The following GLI2 variants were observed in gnomAD, a reference collection of about 807,000 sequenced individuals.
GLI2 encodes transcription activator GLI2.
In GLI2, 22 loss-of-function variants were observed where a neutral mutation model predicts 78.9. The ratio of observed to expected loss-of-function variants is 0.28; its 90% CI spans 0.20 to 0.40. The LOEUF is 0.40. Ranked by LOEUF, GLI2 falls within the 10% of genes least tolerant of loss-of-function variation. GLI2 has a pLI of 1.00. For missense variants in GLI2, 2,097 were observed against 2,213.2 expected (o/e 0.95, Z 1.05); for synonymous variants, 974 against 963.7 (o/e 1.01, Z -0.20).
intron 1 of GLI2, among the ~76,000 whole-genome samples, chr2:120,795,690 C>T (rs1684356080): frequency 6.6e-6 from 1 of 152,166 alleles, no homozygotes; most frequent in Non-Finnish European, 1.5e-5. Flanking sequence ...TGCCCATAAC[C>T]TTTCTGCCCC....
In GLI2 at chr2:120,882,338, G is replaced by A. The variant is rs145949836; in HGVS notation, c.149-45023G>A. Among the ~76,000 whole-genome samples the A allele has an allele frequency of 6.4e-3, 971 of 152,314 alleles. 7 individuals carry two copies. The highest frequency in any genetic ancestry group is 0.01 in the Middle Eastern group (3 of 294). ...GTGAAGGTGGTGAAGGATCACCCGG[G>A]AGATGCTGCTTGGGCTGGAGGGCGC... is the stretch of plus-strand genomic sequence containing the variant. On this transcript the variant is annotated intron_variant, in intron 2 of 13. Transcript: ENST00000361492.
chr2:120,744,083 G>T (rs993926080), intron 1 of GLI2, among the ~76,000 whole-genome samples: 1 of 152,230 alleles, frequency 6.6e-6, no homozygotes, highest in Non-Finnish European at 1.5e-5. Context: ...GGTCTTTTCA[G>T]ACTTTCCTCG....
At position 120,988,189 on chromosome 2, in the gene GLI2, C is replaced by A. The variant is rs374194633; in HGVS notation, c.2243-19C>A. ...CCACCCACCCTTGTCCCGGTGCTGA[C>A]CCCTCTGCTCTCCCGCAGGCTCCAT... On this transcript the variant is annotated intron_variant, in intron 13 of 13. Transcript: ENST00000361492. 9.5e-6 allele frequency: 15 copies of A among 1,581,032 alleles called. No homozygotes were observed. Among genetic ancestry groups the A allele is most frequent in the Non-Finnish European group, 1.3e-5 (15 of 1,167,352 alleles).
intron 5 of GLI2, among the ~76,000 whole-genome samples, chr2:120,958,742 G>A (rs1438684673): frequency 1.3e-5 from 2 of 152,144 alleles, no homozygotes; most frequent in African/African-American, 4.8e-5. Flanking sequence ...ACAGAGTCCT[G>A]TGCACGGTGC....
intron 5 of GLI2, among the ~76,000 whole-genome samples, chr2:120,967,119 C>A (rs1681895515): frequency 6.6e-6 from 1 of 152,160 alleles, no homozygotes; most frequent in Admixed American, 6.5e-5. Context: ...GCTTGAGCAA[C>A]CCCCAGCATC....
chr2:120,758,457 C>G (rs1436202278), intron 1 of GLI2, among the ~76,000 whole-genome samples: 2 of 152,208 alleles, frequency 1.3e-5, no homozygotes, highest in African/African-American at 4.8e-5. Flanking sequence ...GACCGGGCCT[C>G]TCAGACCTGG....
intron 1 of GLI2, among the ~76,000 whole-genome samples, chr2:120,739,586 C>A (rs1227015136): frequency 6.6e-6 from 1 of 152,208 alleles, no homozygotes; most frequent in East Asian, 1.9e-4. Flanking sequence ...GGGGTTCTAC[C>A]TGGGCCAGAG....
intron 1 of GLI2, among the ~76,000 whole-genome samples, chr2:120,739,946 T>C (rs763487498): frequency 1.3e-5 from 2 of 152,190 alleles, no homozygotes; most frequent in Non-Finnish European, 2.9e-5. Context: ...TTTAACAGAT[T>C]TGAGAAAGGG....
intron 2 of GLI2, among the ~76,000 whole-genome samples, chr2:120,904,476 T>C (rs1678418328): frequency 6.6e-6 from 1 of 152,096 alleles, no homozygotes; most frequent in Non-Finnish European, 1.5e-5. Flanking sequence ...TTTGGTTTTC[T>C]CCCATCAGGA....
chr2:120,776,803 C>T (rs1314311921), intron 1 of GLI2, among the ~76,000 whole-genome samples: 2 of 152,116 alleles, frequency 1.3e-5, no homozygotes, highest in African/African-American at 4.8e-5. Context: ...GCCAGAGGGC[C>T]GAGTGGGGTC....
At chr2:120,879,808 G>A (rs149714795) in intron 2 of GLI2, among the ~76,000 whole-genome samples, 36 of 152,338 alleles carry the variant, frequency 2.4e-4, no homozygotes, top group African/African-American at 8.2e-4. Context: ...CTAATGAGGA[G>A]CTTGTAACCT....
intron 2 of GLI2, among the ~76,000 whole-genome samples, chr2:120,865,204 G>A (rs554441622): frequency 3.3e-5 from 5 of 152,176 alleles, no homozygotes; most frequent in Admixed American, 6.5e-5. Context: ...AGCCCTTCGC[G>A]GTTCCAGAGC....
Position 120,988,661 on chromosome 2 carries a change from G to A in GLI2, c.2696G>A (p.Arg899Lys). The A allele has an allele frequency of 7.2e-7, 1 of 1,393,954 alleles. No individual in the cohort carries two copies. The highest frequency in any genetic ancestry group is 9.3e-7 in the Non-Finnish European group (1 of 1,075,732). 86.3% of individuals were successfully genotyped at this position (1,393,954 alleles called of 1,614,324 possible). A position where few individuals can be genotyped will look rare whatever the true frequency, so the allele number is the denominator to read the frequency against. The part of the protein sequence containing the change: ...PGLERMSLRT[R>K]LALLDAPERT... The stretch of plus-strand genomic sequence containing the variant: ...CTGGAGCGCATGAGCCTGCGGACCA[G>A]GCTGGCGCTGCTGGACGCGCCCGAG... Residue 899 changes from arginine to lysine, a missense_variant, in exon 14 of 14, where the codon AGG becomes AAG. Arg to Lys is a conservative substitution (Grantham distance 26, BLOSUM62 2). Around this residue, in one of 5 missense-constraint regions of GLI2, gnomAD observed 1,290 missense variants for 1,261.7 expected, o/e 1.02. Transcript: ENST00000361492.
At chr2:120,808,298 C>G (rs1050227376) in intron 2 of GLI2, among the ~76,000 whole-genome samples, 10 of 152,136 alleles carry the variant, frequency 6.6e-5, no homozygotes, top group African/African-American at 2.4e-4. Flanking sequence ...TGGGGAAGTC[C>G]CTGCCCCCGC....
At chr2:120,913,416 G>A (rs1403178513) in intron 2 of GLI2, among the ~76,000 whole-genome samples, 1 of 152,160 alleles carries the variant, frequency 6.6e-6, no homozygotes, top group African/African-American at 2.4e-5. Context: ...TGACGTACTG[G>A]TTCAATTAAA....
At chr2:120,785,534 AG>A (rs974051524) in intron 1 of GLI2, among the ~76,000 whole-genome samples, 3 of 152,098 alleles carry the variant, frequency 2.0e-5, no homozygotes, top group African/African-American at 7.2e-5. Context: ...AGGAGATGCC[AG>A]GGCCACACAC....
chr2:120,942,938 CCTCA>C (rs58246915), intron 3 of GLI2, among the ~76,000 whole-genome samples: 2,311 of 145,842 alleles, frequency 0.016, 92 homozygotes, highest in African/African-American at 0.058. Context: ...TCGTTCACAC[CCTCA>C]CTCACTCATT....
At chr2:120,902,730 C>T (rs1261153666) in intron 2 of GLI2, among the ~76,000 whole-genome samples, 1 of 152,224 alleles carries the variant, frequency 6.6e-6, no homozygotes, top group Non-Finnish European at 1.5e-5. Context: ...CTGTGCACCT[C>T]CTGTTCCTGG....
intron 2 of GLI2, among the ~76,000 whole-genome samples, chr2:120,873,147 C>G (rs1688555869): frequency 6.6e-6 from 1 of 152,234 alleles, no homozygotes; most frequent in Non-Finnish European, 1.5e-5. Context: ...ACTGTCATTA[C>G]TGATGCCTTT....
Sources: gnomAD v4.1 joint callset for allele counts (sites outside exome capture counted in the v4.1 genomes callset) on GRCh38, gnomAD v4.1.1 for gene constraint, gnomAD v4.1.1 regional missense constraint, MANE v1.5 for transcripts, NCBI Gene and HGNC (gene_info 2026-07-23, HGNC 2026-07-21) for gene names.